PDZRN4: variants seen among roughly 807,000 people sequenced by gnomAD.
PDZRN4 encodes PDZ domain containing ring finger 4, also known as PDZ domain-containing RING finger protein 4.
PDZRN4 carries 70 observed loss-of-function variants against 99.0 expected under a neutral mutation model. The observed-to-expected ratio is 0.71, with a 90% CI of 0.58 to 0.86. PDZRN4 has a LOEUF of 0.86. Among genes scored for constraint, PDZRN4 ranks in the 40% least tolerant of loss-of-function variants. The pLI, the probability that PDZRN4 is intolerant of heterozygous loss-of-function variation, is 0.00. For synonymous variants in PDZRN4, 551 were observed against 501.6 expected (o/e 1.10, Z -1.32); for missense variants, 1,474 against 1,331.2 (o/e 1.11, Z -1.67).
chr12:41,285,034 G>A (rs1408914148), intron 3 of PDZRN4, among the ~76,000 whole-genome samples: 1 of 152,100 alleles, frequency 6.6e-6, no homozygotes, highest in Non-Finnish European at 1.5e-5. Flanking sequence ...AAGAGCTTCT[G>A]TACAGCAAAA....
chr12:41,487,903 T>G (rs898708100), intron 3 of PDZRN4, among the ~76,000 whole-genome samples: 6 of 152,208 alleles, frequency 3.9e-5, no homozygotes, highest in African/African-American at 1.4e-4. Context: ...ACATAGTAAT[T>G]GACTTTTATA....
chr12:41,212,145 G>A (rs554591469), intron 3 of PDZRN4, among the ~76,000 whole-genome samples: 15 of 151,786 alleles, frequency 9.9e-5, no homozygotes, highest in African/African-American at 1.4e-4. Context: ...AATCTCTGTG[G>A]GCCCTAATTA....
intron 3 of PDZRN4, among the ~76,000 whole-genome samples, chr12:41,388,327 A>G (rs778505019): frequency 6.6e-6 from 1 of 152,126 alleles, no homozygotes; most frequent in African/African-American, 2.4e-5. Context: ...TGATAAAATA[A>G]TCTTACAAGT....
chr12:41,466,604 A>G (rs906455466), intron 3 of PDZRN4, among the ~76,000 whole-genome samples: 1 of 152,126 alleles, frequency 6.6e-6, no homozygotes, highest in South Asian at 2.1e-4. Context: ...GTTTTATGAC[A>G]TCTTTAAATA....
At chr12:41,439,687 A>G (rs1233593549) in intron 3 of PDZRN4, among the ~76,000 whole-genome samples, 2 of 152,140 alleles carry the variant, frequency 1.3e-5, no homozygotes, top group Non-Finnish European at 2.9e-5. Flanking sequence ...TAGATAAGCC[A>G]TGCTCTTTAT....
At chr12:41,189,516 T>C (rs1261702856) in intron 1 of PDZRN4, among the ~76,000 whole-genome samples, 2 of 152,032 alleles carry the variant, frequency 1.3e-5, no homozygotes, top group Admixed American at 1.3e-4. Flanking sequence ...CGGCCCAGCC[T>C]TTCCTCTCCC....
At chr12:41,315,618 A>G (rs1461750443) in intron 3 of PDZRN4, among the ~76,000 whole-genome samples, 6 of 152,176 alleles carry the variant, frequency 3.9e-5, no homozygotes, top group African/African-American at 7.2e-5. Flanking sequence ...TTGATATAAT[A>G]AGCTTGTAAC....
At chr12:41,521,735 A>G (rs1938495758) in intron 5 of PDZRN4, among the ~76,000 whole-genome samples, 1 of 152,074 alleles carries the variant, frequency 6.6e-6, no homozygotes, top group Admixed American at 6.6e-5. Context: ...TATTATTTTA[A>G]AAGGACTGTA....
chr12:41,513,774 A>C (rs1321170448), intron 5 of PDZRN4, among the ~76,000 whole-genome samples: 1 of 152,036 alleles, frequency 6.6e-6, no homozygotes, highest in African/African-American at 2.4e-5. Flanking sequence ...TTTTTGCCCA[A>C]CTCCTAATAA....
chr12:41,423,793 A>G (rs981961891), intron 3 of PDZRN4, among the ~76,000 whole-genome samples: 5 of 152,192 alleles, frequency 3.3e-5, no homozygotes, highest in Admixed American at 6.6e-5. Context: ...TCAGAAAGTG[A>G]TAAGGCTATG....
chr12:41,270,956 G>A (rs1427415571), intron 3 of PDZRN4, among the ~76,000 whole-genome samples: 2 of 151,954 alleles, frequency 1.3e-5, no homozygotes, highest in Non-Finnish European at 2.9e-5. Context: ...TTATTAAAAT[G>A]TCAAAACTTA....
chr12:41,432,347 C>A (rs1346590166), intron 3 of PDZRN4, among the ~76,000 whole-genome samples: 2 of 152,190 alleles, frequency 1.3e-5, no homozygotes, highest in African/African-American at 4.8e-5. Flanking sequence ...AGCCTTTTAA[C>A]TTAATATTCT....
chr12:41,291,834 TGTA>T (rs1565543441), intron 3 of PDZRN4, among the ~76,000 whole-genome samples: 1 of 151,180 alleles, frequency 6.6e-6, no homozygotes, highest in Non-Finnish European at 1.5e-5. Context: ...GACCCCCTAA[TGTA>T]GTCATTTCAT....
intron 3 of PDZRN4, among the ~76,000 whole-genome samples, chr12:41,383,633 T>C (rs1592037233): frequency 6.6e-6 from 1 of 152,362 alleles, no homozygotes; most frequent in East Asian, 1.9e-4. Flanking sequence ...AACTCTGTTA[T>C]TAATGTTTGC....
intron 7 of PDZRN4, among the ~76,000 whole-genome samples, chr12:41,560,281 G>A (rs1939247738): frequency 6.6e-6 from 1 of 152,002 alleles, no homozygotes; most frequent in African/African-American, 2.4e-5. Flanking sequence ...TACAATAATA[G>A]AAAAAACCTA....
At chr12:41,397,339 CA>C (rs985230536) in intron 3 of PDZRN4, among the ~76,000 whole-genome samples, 3 of 152,022 alleles carry the variant, frequency 2.0e-5, no homozygotes, top group African/African-American at 7.2e-5. Flanking sequence ...ATTTTCAATC[CA>C]AAAATAGGCA....
intron 3 of PDZRN4, among the ~76,000 whole-genome samples, chr12:41,428,400 A>T (rs11180916): frequency 0.067 from 10,155 of 152,160 alleles, 357 homozygotes; most frequent in Middle Eastern, 0.092. Context: ...GAGATCTGGG[A>T]CCTTTATATA....
At chr12:41,421,423 C>T (rs1321768833) in intron 3 of PDZRN4, among the ~76,000 whole-genome samples, 1 of 152,098 alleles carries the variant, frequency 6.6e-6, no homozygotes, top group African/African-American at 2.4e-5. Flanking sequence ...AAACTCCTGA[C>T]CTCAGATGAT....
intron 3 of PDZRN4, among the ~76,000 whole-genome samples, chr12:41,213,622 C>A (rs1378166400): frequency 1.3e-5 from 2 of 151,942 alleles, no homozygotes; most frequent in African/African-American, 4.8e-5. Flanking sequence ...CTGCTGAAAG[C>A]CTAAAATACA....
Sources: allele counts gnomAD v4.1 joint callset (sites outside exome capture counted in the v4.1 genomes callset), GRCh38; gene constraint gnomAD v4.1.1; transcripts MANE v1.5; gene names NCBI Gene and HGNC (gene_info 2026-07-23, HGNC 2026-07-21).